MYT1L: variants seen among roughly 807,000 people sequenced by gnomAD.
MYT1L encodes myelin transcription factor 1 like, also known as myelin transcription factor 1-like protein.
A neutral mutation model predicts 126.7 loss-of-function variants in MYT1L; 12 were observed. The observed-to-expected ratio is 0.09, with a 90% CI of 0.06 to 0.15. MYT1L has a LOEUF of 0.15. MYT1L is among the 10% of genes least tolerant of loss of function. MYT1L has a pLI of 1.00. For synonymous variants in MYT1L, 541 were observed against 604.2 expected (o/e 0.90, Z 1.53); for missense variants, 979 against 1,585.2 (o/e 0.62, Z 6.49).
At chr2:2,229,259 T>C (rs898919116) in intron 2 of MYT1L, among the ~76,000 whole-genome samples, 1 of 152,216 alleles carries the variant, frequency 6.6e-6, no homozygotes, top group Non-Finnish European at 1.5e-5. Flanking sequence ...TCTGCTTCAT[T>C]CTTTTTTTAA....
intron 4 of MYT1L, among the ~76,000 whole-genome samples, chr2:2,012,179 C>T (rs2063895012): frequency 6.6e-6 from 1 of 152,204 alleles, no homozygotes; most frequent in African/African-American, 2.4e-5. Context: ...CCTTAAATTT[C>T]CATCTACTGA....
At chr2:1,940,261 G>T (rs145283647) in intron 9 of MYT1L, among the ~76,000 whole-genome samples, 10 of 148,256 alleles carry the variant, frequency 6.7e-5, no homozygotes, top group Non-Finnish European at 1.3e-4. Context: ...ACTGCTAGCA[G>T]GTAGGTTATC....
chr2:2,321,632 T>C (rs1289207689), intron 1 of MYT1L, among the ~76,000 whole-genome samples: 1 of 152,140 alleles, frequency 6.6e-6, no homozygotes, highest in Non-Finnish European at 1.5e-5. Flanking sequence ...TAGGTTGAGA[T>C]AACGGCATGA....
intron 2 of MYT1L, among the ~76,000 whole-genome samples, chr2:2,183,755 G>A (rs1157829430): frequency 1.3e-5 from 2 of 151,104 alleles, no homozygotes; most frequent in Admixed American, 6.6e-5. Flanking sequence ...GGAAGGGAGG[G>A]AGGGAAGGAG....
intron 14 of MYT1L, among the ~76,000 whole-genome samples, chr2:1,898,973 G>T (rs2049983106): frequency 6.6e-6 from 1 of 152,228 alleles, no homozygotes; most frequent in African/African-American, 2.4e-5. Context: ...GAGCAAAGAA[G>T]AGGAAGTGCC....
At chr2:2,097,439 G>A (rs984293910) in intron 3 of MYT1L, among the ~76,000 whole-genome samples, 2 of 152,132 alleles carry the variant, frequency 1.3e-5, no homozygotes, top group Non-Finnish European at 2.9e-5. Context: ...ATCTTCTCAA[G>A]TAGAGGCCAG....
At chr2:1,988,216 C>T (rs2149543712) in intron 5 of MYT1L, among the ~76,000 whole-genome samples, 1 of 152,258 alleles carries the variant, frequency 6.6e-6, no homozygotes, top group African/African-American at 2.4e-5. Flanking sequence ...ACATTCCAAC[C>T]CTCCTGCCAG....
chr2:1,980,369 A>C (rs560086735), intron 5 of MYT1L, among the ~76,000 whole-genome samples: 3 of 150,684 alleles, frequency 2.0e-5, no homozygotes, highest in Non-Finnish European at 4.4e-5. Context: ...CTTGTAACTG[A>C]AAGTTTTAAT....
At chr2:2,072,855 G>A (rs2074768236) in intron 3 of MYT1L, among the ~76,000 whole-genome samples, 1 of 152,138 alleles carries the variant, frequency 6.6e-6, no homozygotes, top group African/African-American at 2.4e-5. Context: ...TAAGTTTCCT[G>A]AGGCCTCCTT....
intron 3 of MYT1L, among the ~76,000 whole-genome samples, chr2:2,098,349 G>A (rs890897378): frequency 5.9e-5 from 9 of 152,222 alleles, no homozygotes; most frequent in Admixed American, 1.3e-4. Context: ...ATAAGATCAT[G>A]TGGAGATTAA....
At chr2:2,038,160 T>G (rs2067098051) in intron 4 of MYT1L, among the ~76,000 whole-genome samples, 1 of 152,218 alleles carries the variant, frequency 6.6e-6, no homozygotes, top group South Asian at 2.1e-4. Context: ...GATGTGTGCC[T>G]CTCACGGGAC....
At chr2:2,241,200 T>C (rs1422665541) in intron 2 of MYT1L, among the ~76,000 whole-genome samples, 8 of 152,328 alleles carry the variant, frequency 5.3e-5, no homozygotes, top group African/African-American at 1.7e-4. Flanking sequence ...CTTCCTGCCA[T>C]ATCCAATGCA....
chr2:1,964,221 C>T (rs753936183), intron 8 of MYT1L, among the ~76,000 whole-genome samples: 12 of 152,300 alleles, frequency 7.9e-5, no homozygotes, highest in Non-Finnish European at 1.3e-4. Context: ...ACAGCATTTA[C>T]GGATTAAGTT....
chr2:1,946,806 C>T (rs1379155238), intron 8 of MYT1L, among the ~76,000 whole-genome samples: 4 of 152,146 alleles, frequency 2.6e-5, no homozygotes, highest in Admixed American at 6.5e-5. Flanking sequence ...GCCAGCCACA[C>T]CTTCATGCTG....
chr2:1,854,318 T>C (rs938902094), intron 18 of MYT1L, among the ~76,000 whole-genome samples: 1 of 152,156 alleles, frequency 6.6e-6, no homozygotes, highest in African/African-American at 2.4e-5. Context: ...AGGGCTTTTT[T>C]TGAGATTACT....
chr2:2,328,546 C>T (rs116373718), intron 1 of MYT1L, among the ~76,000 whole-genome samples: 2 of 152,282 alleles, frequency 1.3e-5, no homozygotes, highest in South Asian at 2.1e-4. Context: ...CAGCTTCTAA[C>T]ACAAATTTGT....
intron 14 of MYT1L, among the ~76,000 whole-genome samples, chr2:1,902,515 A>C (rs1013270725): frequency 9.9e-5 from 15 of 152,170 alleles, no homozygotes; most frequent in African/African-American, 3.6e-4. Context: ...CGAACTTCTC[A>C]AGGGTGCCGT....
At chr2:2,124,965 G>A (rs2081504338) in intron 3 of MYT1L, among the ~76,000 whole-genome samples, 1 of 152,210 alleles carries the variant, frequency 6.6e-6, no homozygotes, top group African/African-American at 2.4e-5. Flanking sequence ...TACCTTGTGA[G>A]TGACTTTCCA....
intron 2 of MYT1L, among the ~76,000 whole-genome samples, chr2:2,210,296 G>C (rs1372059512): frequency 1.3e-5 from 2 of 152,086 alleles, no homozygotes; most frequent in Non-Finnish European, 2.9e-5. Context: ...TGTGCTTATG[G>C]GGTATTACTC....
Sources: allele counts gnomAD v4.1 joint callset (sites outside exome capture counted in the v4.1 genomes callset), GRCh38; gene constraint gnomAD v4.1.1; transcripts MANE v1.5; gene names NCBI Gene and HGNC (gene_info 2026-07-23, HGNC 2026-07-21).